DEPDC1B: variants seen among roughly 807,000 people sequenced by gnomAD.
DEPDC1B encodes DEP domain containing 1B, also known as DEP domain-containing protein 1B.
DEPDC1B carries 51 observed loss-of-function variants against 66.5 expected under a neutral mutation model. The observed-to-expected ratio is 0.77, with a 90% CI of 0.61 to 0.97. DEPDC1B has a LOEUF of 0.97. Among genes scored for constraint, DEPDC1B ranks in the 50% least tolerant of loss-of-function variants. DEPDC1B has a pLI of 0.00. For synonymous variants in DEPDC1B, 226 were observed against 223.6 expected (o/e 1.01, Z -0.10); for missense variants, 552 against 637.1 (o/e 0.87, Z 1.44).
chr5:60,600,654 C>G (rs1441129690), intron 9 of DEPDC1B, among the ~76,000 whole-genome samples: 1 of 152,222 alleles, frequency 6.6e-6, no homozygotes, highest in African/African-American at 2.4e-5. Flanking sequence ...TGAATCACTA[C>G]TGATTTTATT....
chr5:60,643,468 T>C (rs1264519253), intron 5 of DEPDC1B, among the ~76,000 whole-genome samples: 2 of 152,218 alleles, frequency 1.3e-5, no homozygotes, highest in Admixed American at 6.5e-5. Flanking sequence ...CTCCACGCCC[T>C]GCCACAGACA....
intron 2 of DEPDC1B, among the ~76,000 whole-genome samples, chr5:60,655,660 C>T (rs1414105754): frequency 6.7e-6 from 1 of 148,874 alleles, no homozygotes; most frequent in Non-Finnish European, 1.5e-5. Flanking sequence ...TTTTCTTCTG[C>T]TGGGTTTTGG....
At position 60,617,157 on chromosome 5, in the gene DEPDC1B, C is replaced by A. The variant is rs571172829; in HGVS notation, c.899-11301G>T. Among the ~76,000 whole-genome samples, 5 of 152,300 alleles carry A rather than the reference C, an allele frequency of 3.3e-5. No individual in the cohort carries two copies. In the East Asian group the frequency reaches 9.6e-4, roughly 29 times the overall value. ...AGGAAGCACTAAACATGGAAAGGAA[C>A]ATACGGTACCAGCCACTGCAAAATC... is the stretch of plus-strand genomic sequence containing the variant. On this transcript the variant is annotated intron_variant, in intron 7 of 10. Coordinates refer to ENST00000265036, the MANE Select transcript of DEPDC1B (RefSeq NM_018369.3).
chr5:60,636,908 G>A (rs768314269), intron 7 of DEPDC1B, among the ~76,000 whole-genome samples: 8 of 152,194 alleles, frequency 5.3e-5, no homozygotes, highest in Admixed American at 1.3e-4. Flanking sequence ...AGCTGACTCC[G>A]ATACTAATTT....
chr5:60,636,620 T>C (rs1435150925), intron 7 of DEPDC1B, among the ~76,000 whole-genome samples: 1 of 152,148 alleles, frequency 6.6e-6, no homozygotes, highest in African/African-American at 2.4e-5. Flanking sequence ...TCTAACAGGA[T>C]TGCTATGTTA....
chr5:60,622,746 C>G (rs1234136488), intron 7 of DEPDC1B, among the ~76,000 whole-genome samples: 1 of 152,190 alleles, frequency 6.6e-6, no homozygotes, highest in Non-Finnish European at 1.5e-5. Context: ...ATGGTAGTAT[C>G]TCATTGTGGT....
intron 2 of DEPDC1B, among the ~76,000 whole-genome samples, chr5:60,674,039 A>G (rs911175194): frequency 6.6e-6 from 1 of 152,164 alleles, no homozygotes; most frequent in African/African-American, 2.4e-5. Flanking sequence ...AAAATTGCAA[A>G]CTCAGGAATA....
chr5:60,639,943 A>C (rs1753149980), intron 6 of DEPDC1B, among the ~76,000 whole-genome samples: 1 of 152,224 alleles, frequency 6.6e-6, no homozygotes, highest in African/African-American at 2.4e-5. Context: ...ATAAATTGAA[A>C]GGAAATTCTT....
chr5:60,618,498 T>A (rs1410484914), intron 7 of DEPDC1B, among the ~76,000 whole-genome samples: 3 of 152,148 alleles, frequency 2.0e-5, no homozygotes, highest in Non-Finnish European at 4.4e-5. Flanking sequence ...CATCAGAGAA[T>A]ACTATAAACA....
At chr5:60,690,780 G>C (rs894747435) in intron 1 of DEPDC1B, among the ~76,000 whole-genome samples, 1 of 151,464 alleles carries the variant, frequency 6.6e-6, no homozygotes, top group South Asian at 2.1e-4. Context: ...GCCCAACCTT[G>C]GGTCATGTTT....
chr5:60,679,672 C>G (rs542745118), intron 2 of DEPDC1B, among the ~76,000 whole-genome samples: 5 of 152,292 alleles, frequency 3.3e-5, no homozygotes, highest in African/African-American at 1.2e-4. Flanking sequence ...GCCATGAAAA[C>G]CTTCCCAGTT....
At chr5:60,622,046 CAAAT>C (rs1364531224) in intron 7 of DEPDC1B, among the ~76,000 whole-genome samples, 2 of 151,680 alleles carry the variant, frequency 1.3e-5, no homozygotes, top group Non-Finnish European at 2.9e-5. Context: ...AAAAAGTCCT[CAAAT>C]AACATGTGTT....
chr5:60,619,113 A>G (rs1259870581), intron 7 of DEPDC1B, among the ~76,000 whole-genome samples: 1 of 152,252 alleles, frequency 6.6e-6, no homozygotes, highest in East Asian at 1.9e-4. Context: ...AACTCTCAAT[A>G]AATTAGGTAT....
chr5:60,651,505 T>A (rs1463527107), intron 2 of DEPDC1B, among the ~76,000 whole-genome samples: 2 of 147,268 alleles, frequency 1.4e-5, no homozygotes, highest in Admixed American at 6.9e-5. Context: ...CACTTCAGAC[T>A]GGGCAACAGA....
intron 1 of DEPDC1B, among the ~76,000 whole-genome samples, chr5:60,689,681 C>CT (rs201360200): frequency 0.094 from 13,842 of 147,150 alleles, 1,173 homozygotes; most frequent in African/African-American, 0.22. Context: ...GATGTGATCT[C>CT]TTTTTTTTTT....
chr5:60,682,940 A>G (rs187693812), intron 2 of DEPDC1B, among the ~76,000 whole-genome samples: 91 of 152,338 alleles, frequency 6.0e-4, no homozygotes, highest in Non-Finnish European at 1.1e-3. Context: ...AACTCATTCT[A>G]TAAGGCCAGC....
At position 60,644,880 on chromosome 5, in the gene DEPDC1B, A is replaced by G. The variant is rs1223192687; in HGVS notation, c.579-5T>C. 1 of 1,587,636 alleles carries G rather than the reference A, an allele frequency of 6.3e-7. No homozygotes were observed. The highest frequency in any genetic ancestry group is 8.6e-7 in the Non-Finnish European group (1 of 1,165,450). ...AGGCCAAGAATTTTCTGTAAGCTAA[A>G]AGATAAGTAATTATATTAATTAGTT... On this transcript the variant is annotated splice_region_variant and splice_polypyrimidine_tract_variant and intron_variant, in intron 4 of 10. Coordinates refer to ENST00000265036, the MANE Select transcript of DEPDC1B (RefSeq NM_018369.3).
chr5:60,619,778 G>A (rs1366388424), intron 7 of DEPDC1B, among the ~76,000 whole-genome samples: 2 of 152,030 alleles, frequency 1.3e-5, no homozygotes, highest in East Asian at 3.9e-4. Context: ...TTACAGAATT[G>A]GAAAAAACTA....
At chr5:60,603,826 C>CATATATATATATATATAT (rs34747463) in intron 8 of DEPDC1B, among the ~76,000 whole-genome samples, 179 of 146,082 alleles carry the variant, frequency 1.2e-3, no homozygotes, top group Middle Eastern at 7.1e-3. Context: ...TTTAAATATA[C>CATATATATATATATATAT]ATATATATAT....
Sources: gnomAD v4.1 joint callset for allele counts (sites outside exome capture counted in the v4.1 genomes callset) on GRCh38, gnomAD v4.1.1 for gene constraint, MANE v1.5 for transcripts, NCBI Gene and HGNC (gene_info 2026-07-23, HGNC 2026-07-21) for gene names.